EPHA6: variants seen among roughly 807,000 people sequenced by gnomAD.
The protein encoded by EPHA6 is ephrin type-A receptor 6.
In EPHA6, 50 loss-of-function variants were observed where a neutral mutation model predicts 112.0. The observed-to-expected ratio is 0.45, with a 90% confidence interval of 0.36 to 0.56. The LOEUF is 0.56. Ranked by LOEUF, EPHA6 falls within the 20% of genes least tolerant of loss-of-function variation. The pLI is 0.00. For missense variants in EPHA6, 1,280 were observed against 1,417.4 expected, an observed-to-expected ratio of 0.90 and a Z score of 1.56; for synonymous variants, 529 against 490.7, an observed-to-expected ratio of 1.08 and a Z score of -1.03.
intron 3 of EPHA6, among the ~76,000 whole-genome samples, chr3:97,074,970 C>A (rs1035467581): frequency 3.3e-5 from 5 of 151,812 alleles, no homozygotes; most frequent in African/African-American, 1.2e-4. Context: ...TCAATGGTAC[C>A]GTGTTATCAG....
intron 5 of EPHA6, among the ~76,000 whole-genome samples, chr3:97,404,730 A>G (rs528291888): frequency 6.6e-6 from 1 of 152,294 alleles, no homozygotes; most frequent in African/African-American, 2.4e-5. Flanking sequence ...TAAAATGTCT[A>G]GAGGAAAGGG....
At chr3:96,867,044 A>G (rs538866913) in intron 2 of EPHA6, among the ~76,000 whole-genome samples, 155 bp downstream of exon 2, 11 of 151,986 alleles carry the variant, frequency 7.2e-5, no homozygotes, top group Admixed American at 4.6e-4. Flanking sequence ...AGAACTGGTA[A>G]TCAGTGGGAA....
chr3:97,006,478 C>G (rs988984073), intron 3 of EPHA6, among the ~76,000 whole-genome samples: 8 of 151,508 alleles, frequency 5.3e-5, no homozygotes, highest in Non-Finnish European at 1.0e-4. Context: ...TTTATTGTGT[C>G]CATTTGATTC....
chr3:97,600,588 C>T (rs1242171390), intron 12 of EPHA6, among the ~76,000 whole-genome samples: 1 of 151,988 alleles, frequency 6.6e-6, no homozygotes, highest in East Asian at 1.9e-4. Flanking sequence ...TCCTCCCCAA[C>T]CCTGATTTTG....
chr3:97,008,408 C>T (rs1194747775), intron 3 of EPHA6, among the ~76,000 whole-genome samples: 2 of 152,120 alleles, frequency 1.3e-5, no homozygotes, highest in Non-Finnish European at 2.9e-5. Flanking sequence ...GCTGTTGATA[C>T]TTGTGTATGC....
intron 11 of EPHA6, among the ~76,000 whole-genome samples, chr3:97,575,041 C>CA (rs1272108241): frequency 6.6e-6 from 1 of 151,744 alleles, no homozygotes; most frequent in African/African-American, 2.4e-5. Context: ...AAATAAAACA[C>CA]AAAAAACAAA....
chr3:97,281,247 G>A (rs180748500), intron 5 of EPHA6, among the ~76,000 whole-genome samples: 378 of 151,768 alleles, frequency 2.5e-3, no homozygotes, highest in Non-Finnish European at 4.0e-3. Flanking sequence ...GTGTGCATGA[G>A]CATGTGTGTG....
chr3:97,316,489 T>TG (rs1194050624), intron 5 of EPHA6, among the ~76,000 whole-genome samples: 2 of 151,916 alleles, frequency 1.3e-5, no homozygotes, highest in East Asian at 3.9e-4. Context: ...CTGCGTTTTC[T>TG]GAAGTGTCAT....
At chr3:97,290,258 T>C (rs2080629083) in intron 5 of EPHA6, among the ~76,000 whole-genome samples, 2 of 152,154 alleles carry the variant, frequency 1.3e-5, no homozygotes, top group African/African-American at 4.8e-5. Context: ...TGTAATTGTG[T>C]GGTTTTGAGA....
intron 5 of EPHA6, among the ~76,000 whole-genome samples, chr3:97,309,820 A>C (rs1027492216): frequency 1.3e-5 from 2 of 151,662 alleles, no homozygotes. Context: ...AACAAACAAA[A>C]TGTTTTTAGT....
chr3:97,693,019 GAGA>G (rs1174304056), intron 14 of EPHA6, among the ~76,000 whole-genome samples: 1 of 152,162 alleles, frequency 6.6e-6, no homozygotes, highest in Non-Finnish European at 1.5e-5. Flanking sequence ...TGGTGTCTCG[GAGA>G]AGGACACGTG....
intron 2 of EPHA6, among the ~76,000 whole-genome samples, chr3:96,918,228 G>A (rs1559830173): frequency 6.6e-6 from 1 of 152,094 alleles, no homozygotes; most frequent in Non-Finnish European, 1.5e-5. Context: ...AGATGCTAGA[G>A]ATTGAAGTAA....
Position 97,178,853 on chromosome 3 carries a change from A to G in EPHA6, c.1115-47411A>G, listed in dbSNP as rs2076907715. Among the ~76,000 whole-genome samples, 5 of 152,088 alleles carry G rather than the reference A, an allele frequency of 3.3e-5. No individual in the cohort carries two copies. The South Asian group carries it at 8.3e-4, about 25-fold the overall frequency. On this transcript the variant is annotated intron_variant, in intron 3 of 17. Transcript: ENST00000389672. ...TTGGGTTAAATCTGCTTTGTCTTCTATGACCTTCTTGTATTTGGATATTGA... is the reference window on the plus strand; with the variant it reads ...TTGGGTTAAATCTGCTTTGTCTTCTGTGACCTTCTTGTATTTGGATATTGA...
chr3:97,640,164 C>T (rs7609736), intron 14 of EPHA6, among the ~76,000 whole-genome samples: 29,184 of 151,988 alleles, frequency 0.19, 3,420 homozygotes, highest in Non-Finnish European at 0.26. Context: ...AAAGCAGAGG[C>T]TGAAGAAGGC....
At chr3:97,038,634 T>C (rs1465415620) in intron 3 of EPHA6, among the ~76,000 whole-genome samples, 2 of 152,044 alleles carry the variant, frequency 1.3e-5, no homozygotes, top group Non-Finnish European at 2.9e-5. Context: ...AGTCCCATCA[T>C]CCCCCTTTGT....
At chr3:97,406,225 T>A (rs1239033502) in intron 6 of EPHA6, among the ~76,000 whole-genome samples, 2 of 152,150 alleles carry the variant, frequency 1.3e-5, no homozygotes, top group Non-Finnish European at 2.9e-5. Flanking sequence ...TTAGTTTATT[T>A]TGTCTGCTGT....
At chr3:96,815,744 A>G (rs960294233) in intron 1 of EPHA6, among the ~76,000 whole-genome samples, 1 of 152,158 alleles carries the variant, frequency 6.6e-6, no homozygotes, top group Non-Finnish European at 1.5e-5. Context: ...AAAGTGATGG[A>G]AAGCCCTTGG....
chr3:97,308,451 A>G (rs940014960), intron 5 of EPHA6, among the ~76,000 whole-genome samples: 1 of 151,766 alleles, frequency 6.6e-6, no homozygotes, highest in Non-Finnish European at 1.5e-5. Flanking sequence ...TTTACAAATT[A>G]GTACTACTGA....
chr3:96,917,327 A>G (rs1207185070), intron 2 of EPHA6, among the ~76,000 whole-genome samples: 46 of 149,512 alleles, frequency 3.1e-4, no homozygotes, highest in Admixed American at 3.0e-3. Flanking sequence ...AGGCTGGGAC[A>G]GGAATTGCTT....
Sources: allele counts gnomAD v4.1 joint callset (sites outside exome capture counted in the v4.1 genomes callset), GRCh38; gene constraint gnomAD v4.1.1; transcripts MANE v1.5; gene names NCBI Gene and HGNC (gene_info 2026-07-23, HGNC 2026-07-21).